The following NEK1 variants were observed in gnomAD, a reference collection of about 807,000 sequenced individuals.
The protein encoded by NEK1 is serine/threonine-protein kinase Nek1.
NEK1 carries 137 observed loss-of-function variants against 182.1 expected under a neutral mutation model. The observed-to-expected ratio is 0.75, with a 90% CI of 0.65 to 0.87. The LOEUF is 0.87. Ranked by LOEUF, NEK1 falls within the 40% of genes least tolerant of loss-of-function variation. The probability of loss-of-function intolerance (pLI) is 0.00; values close to 1 mark genes in which losing one functional copy is unlikely to be tolerated. For synonymous variants in NEK1, 513 were observed against 492.2 expected, an observed-to-expected ratio of 1.04 and a Z score of -0.56; for missense variants, 1,391 against 1,494.4, an observed-to-expected ratio of 0.93 and a Z score of 1.14.
At chr4:169,592,014 A>G (rs566810448) in intron 5 of NEK1, among the ~76,000 whole-genome samples, 1 of 152,248 alleles carries the variant, frequency 6.6e-6, no homozygotes, top group South Asian at 2.1e-4. Flanking sequence ...ACGCATATAC[A>G]AAGTACTAAA....
Position 169,479,534 on chromosome 4 carries a change from A to C in NEK1, c.2008T>G (p.Leu670Val), listed in dbSNP as rs553404012. The change falls in exon 24 of 36, where the codon TTG becomes GTG. Residue 670 changes from leucine to valine, a missense_variant and splice_region_variant. Leu to Val is a conservative substitution (Grantham distance 32). This residue lies in a region of NEK1 where 1,216 missense variants were observed against 1,277.6 expected (regional missense o/e 0.95). Transcript: ENST00000507142. The stretch of plus-strand genomic sequence containing the variant: ...GAACTCTTAACTCCTTTAGCCACCA[A>C]CTATAAAAAAGGATTTTATTAAATA... ...EREKKVWEEHLVAKGVKSSDV... is the reference protein window; with the variant it reads ...EREKKVWEEHVVAKGVKSSDV... The C allele has an allele frequency of 6.3e-7, 1 of 1,592,818 alleles. No individual in the cohort carries two copies. Among genetic ancestry groups the C allele is most frequent in the Admixed American group, 1.8e-5 (1 of 55,096 alleles).
At chr4:169,515,141 C>G (rs1395630357) in intron 19 of NEK1, among the ~76,000 whole-genome samples, 2 of 152,044 alleles carry the variant, frequency 1.3e-5, no homozygotes, top group African/African-American at 4.8e-5. Context: ...TTCCTGTCAC[C>G]TTCCTGCTAC....
intron 27 of NEK1, among the ~76,000 whole-genome samples, chr4:169,443,214 G>T (rs1473333421): frequency 2.0e-5 from 3 of 151,994 alleles, no homozygotes; most frequent in Non-Finnish European, 4.4e-5. Context: ...TACTTGGGAG[G>T]CTGAGATGGG....
chr4:169,530,877 C>T (rs926131646), intron 19 of NEK1, among the ~76,000 whole-genome samples: 11 of 148,556 alleles, frequency 7.4e-5, no homozygotes, highest in African/African-American at 2.7e-4. Context: ...ATAAAATATG[C>T]AAAAAATGAG....
intron 2 of NEK1, among the ~76,000 whole-genome samples, chr4:169,605,390 CAAA>C (rs1412520977): frequency 6.6e-6 from 1 of 152,086 alleles, no homozygotes; most frequent in African/African-American, 2.4e-5. Context: ...TTCTGAACAA[CAAA>C]AGACTTGTGG....
chr4:169,502,967 T>C lies in NEK1; in HGVS notation c.2007+4070A>G, dbSNP rs191176962. ...TCTCTTTGTGGACAATTTAATTCTG[T>C]ACCTGGAAAATTCTAACAATTCCAC... On this transcript the variant is annotated intron_variant, in intron 23 of 35. Coordinates refer to ENST00000507142, the MANE Select transcript of NEK1 (RefSeq NM_001199397.3). 9.2e-5 allele frequency among the ~76,000 whole-genome samples: 14 copies of C among 152,246 alleles called. No homozygotes were observed. The East Asian group carries it at 2.3e-3, about 25-fold the overall frequency.
chr4:169,446,691 T>A (rs1740630517), intron 27 of NEK1, among the ~76,000 whole-genome samples: 9 of 152,114 alleles, frequency 5.9e-5, no homozygotes, highest in Admixed American at 5.9e-4. Context: ...TCTTACCAGA[T>A]ACATTTAACA....
intron 5 of NEK1, among the ~76,000 whole-genome samples, chr4:169,593,063 C>T (rs1768810284): frequency 6.6e-6 from 1 of 151,736 alleles, no homozygotes; most frequent in South Asian, 2.1e-4. Context: ...CTTCTATTAC[C>T]ATATTTCCCA....
intron 28 of NEK1, among the ~76,000 whole-genome samples, chr4:169,435,649 T>C (rs137945617): frequency 1.3e-5 from 2 of 152,286 alleles, no homozygotes; most frequent in East Asian, 1.9e-4. Context: ...GGAACTTCTA[T>C]TTGATATCTG....
chr4:169,499,516 T>C (rs1457396589), intron 23 of NEK1, among the ~76,000 whole-genome samples: 1 of 152,186 alleles, frequency 6.6e-6, no homozygotes, highest in Non-Finnish European at 1.5e-5. Context: ...CTCTGTTTTT[T>C]CCCTATCTTT....
At chr4:169,419,235 T>C (rs1735052166) in intron 31 of NEK1, among the ~76,000 whole-genome samples, 2 of 151,902 alleles carry the variant, frequency 1.3e-5, no homozygotes, top group Admixed American at 6.6e-5. Flanking sequence ...ACATATTTCT[T>C]AGAAACAATG....
chr4:169,503,611 C>T (rs560627206), intron 23 of NEK1, among the ~76,000 whole-genome samples: 6 of 152,132 alleles, frequency 3.9e-5, no homozygotes, highest in Admixed American at 6.5e-5. Context: ...CAGGAATCTA[C>T]GTTTGAGAAA....
At position 169,555,789 on chromosome 4, in the gene NEK1, G is replaced by C. The variant is rs761857021; in HGVS notation, c.1493C>G (p.Pro498Arg). Residue 498 changes from proline to arginine, a missense_variant, in exon 18 of 36, where the codon CCT becomes CGT. By Grantham distance (103) the Pro-to-Arg change is moderately radical. Transcript: ENST00000507142. ...AGTTTTTCTAATATCATCAGCATCA[G>C]GAAAATGGTGATGACCTGCAGCCCC... is the stretch of plus-strand genomic sequence containing the variant. ...PYGAAGHHHF[P>R]DADDIRKTLK... The C allele has an allele frequency of 6.2e-6, 10 of 1,613,644 alleles. No individual in the cohort carries two copies. Among genetic ancestry groups the C allele is most frequent in the Non-Finnish European group, 4.2e-6 (5 of 1,179,742 alleles).
intron 31 of NEK1, among the ~76,000 whole-genome samples, chr4:169,411,545 C>T (rs1328499523): frequency 2.6e-5 from 4 of 152,066 alleles, no homozygotes; most frequent in Admixed American, 1.3e-4. Context: ...AGGCTGGTCT[C>T]AAACTCCTGA....
intron 23 of NEK1, among the ~76,000 whole-genome samples, chr4:169,501,742 T>C (rs1035649608): frequency 2.6e-5 from 4 of 152,178 alleles, no homozygotes; most frequent in East Asian, 1.9e-4. Flanking sequence ...CTCTGAGATA[T>C]GGTAAAAGCA....
At chr4:169,589,279 C>T (rs186320704) in intron 7 of NEK1, among the ~76,000 whole-genome samples, 168 bp downstream of exon 7, 221 of 152,230 alleles carry the variant, frequency 1.5e-3, no homozygotes, top group Non-Finnish European at 2.3e-3. Context: ...TAATATTCAC[C>T]CACTGACAAA....
At chr4:169,481,247 A>G (rs988831968) in intron 23 of NEK1, among the ~76,000 whole-genome samples, 1 of 152,196 alleles carries the variant, frequency 6.6e-6, no homozygotes, top group Non-Finnish European at 1.5e-5. Context: ...AACTTCTTCC[A>G]AACTCCTGTT....
chr4:169,493,484 T>C lies in NEK1; in HGVS notation c.2007+13553A>G, dbSNP rs72691091. Among the ~76,000 whole-genome samples, 951 of 152,270 alleles carry C rather than the reference T, an allele frequency of 6.2e-3. 6 individuals carry two copies. Among genetic ancestry groups the C allele is most frequent in the African/African-American group, 0.013 (529 of 41,546 alleles). On this transcript the variant is annotated intron_variant, in intron 23 of 35. Coordinates refer to ENST00000507142, the MANE Select transcript of NEK1 (RefSeq NM_001199397.3). The stretch of plus-strand genomic sequence containing the variant: ...AATGATACATAAAGAACTTGGAATA[T>C]TGATGGCAAGGAAACTCCACAAGAT...
At chr4:169,489,544 G>A (rs1749679453) in intron 23 of NEK1, among the ~76,000 whole-genome samples, 1 of 152,092 alleles carries the variant, frequency 6.6e-6, no homozygotes, top group African/African-American at 2.4e-5. Context: ...CTTCCCCAAT[G>A]CCTAAGTCAC....
Sources: allele counts gnomAD v4.1 joint callset (sites outside exome capture counted in the v4.1 genomes callset), GRCh38; gene constraint gnomAD v4.1.1; regional missense constraint gnomAD v4.1.1; transcripts MANE v1.5; gene names NCBI Gene and HGNC (gene_info 2026-07-23, HGNC 2026-07-21).